Variants in LRP1B observed in about 807,000 individuals in gnomAD.
LRP1B encodes low-density lipoprotein receptor-related protein 1B.
A neutral mutation model predicts 556.6 loss-of-function variants in LRP1B; 217 were observed. The observed-to-expected ratio is 0.39, with a 90% CI of 0.35 to 0.44. LRP1B has a LOEUF of 0.44. Among genes scored for constraint, LRP1B ranks in the 20% least tolerant of loss-of-function variants. The pLI is 1.00. For missense variants in LRP1B, 5,053 were observed against 5,620.8 expected (o/e 0.90, Z 3.23); for synonymous variants, 2,047 against 1,865.8 (o/e 1.10, Z -2.50).
chr2:141,889,603 A>G (rs1025147741), intron 1 of LRP1B, among the ~76,000 whole-genome samples: 4 of 152,170 alleles, frequency 2.6e-5, no homozygotes, highest in Non-Finnish European at 5.9e-5. Context: ...ACTAAAGAGC[A>G]TAGACCATGT....
intron 3 of LRP1B, among the ~76,000 whole-genome samples, chr2:141,438,233 A>G (rs556657975): frequency 1.3e-5 from 2 of 151,942 alleles, no homozygotes; most frequent in South Asian, 2.1e-4. Flanking sequence ...ACTTCATATC[A>G]CTTTTTGTGT....
At chr2:140,659,098 G>GTTTTTTT (rs59651364) in intron 41 of LRP1B, among the ~76,000 whole-genome samples, 13 of 61,140 alleles carry the variant, frequency 2.1e-4, no homozygotes, top group African/African-American at 3.2e-4. Context: ...CTGTAAATCT[G>GTTTTTTT]TTTTTTTTTT....
intron 2 of LRP1B, among the ~76,000 whole-genome samples, chr2:141,805,015 C>T (rs1696125635): frequency 6.6e-6 from 1 of 152,024 alleles, no homozygotes; most frequent in East Asian, 1.9e-4. Flanking sequence ...CTCTTCTCCC[C>T]TTTTCTTTAC....
chr2:142,052,893 T>C (rs1458431234), intron 1 of LRP1B, among the ~76,000 whole-genome samples: 1 of 152,130 alleles, frequency 6.6e-6, no homozygotes, highest in Non-Finnish European at 1.5e-5. Context: ...TGATTTTCTT[T>C]ATAAACACAT....
intron 11 of LRP1B, among the ~76,000 whole-genome samples, chr2:141,031,932 A>C (rs748845156): frequency 2.0e-5 from 3 of 152,020 alleles, no homozygotes; most frequent in African/African-American, 4.8e-5. Context: ...CCAAAAAAAA[A>C]ACTTGTATTT....
At chr2:141,122,146 C>A (rs1384081376) in intron 7 of LRP1B, among the ~76,000 whole-genome samples, 2 of 152,106 alleles carry the variant, frequency 1.3e-5, no homozygotes, top group Non-Finnish European at 2.9e-5. Context: ...ACCATAAAAA[C>A]CCTAGACGAA....
intron 83 of LRP1B, among the ~76,000 whole-genome samples, chr2:140,306,560 C>G (rs1684075952): frequency 6.6e-6 from 1 of 151,654 alleles, no homozygotes; most frequent in Non-Finnish European, 1.5e-5. Flanking sequence ...CTTTATTAGT[C>G]TTGCTAGCAG....
chr2:140,721,322 T>G (rs1687391902), intron 35 of LRP1B, among the ~76,000 whole-genome samples: 1 of 152,146 alleles, frequency 6.6e-6, no homozygotes, highest in Non-Finnish European at 1.5e-5. Context: ...CTCGTGGCTT[T>G]TATGTCACAT....
intron 78 of LRP1B, among the ~76,000 whole-genome samples, chr2:140,335,354 CAT>C (rs1681026887): frequency 6.6e-6 from 1 of 151,808 alleles, no homozygotes; most frequent in Non-Finnish European, 1.5e-5. Flanking sequence ...GCAATACACA[CAT>C]ATAACCATGC....
At chr2:141,539,380 G>T (rs2105206462) in intron 2 of LRP1B, among the ~76,000 whole-genome samples, 1 of 152,234 alleles carries the variant, frequency 6.6e-6, no homozygotes, top group East Asian at 1.9e-4. Context: ...TCATGTTCAT[G>T]ATCCCACCAC....
rs371364303 is a variant in LRP1B at position 142,060,780 on chromosome 2, A to G, written c.82+69868T>C. 4.6e-5 allele frequency among the ~76,000 whole-genome samples: 7 copies of G among 152,070 alleles called. No individual in the cohort carries two copies. The East Asian group carries it at 7.7e-4, about 17-fold the overall frequency. ...AAAATAAAATGTACAACCACTTCCAATTTGTAAAATCAGCTTAAAATAAGA... is the reference window on the plus strand; with the variant it reads ...AAAATAAAATGTACAACCACTTCCAGTTTGTAAAATCAGCTTAAAATAAGA... On this transcript the variant is annotated intron_variant, in intron 1 of 90. Transcript: ENST00000389484.
At chr2:140,867,855 G>T (rs776785576) in intron 26 of LRP1B, 21 bp from the exon 27 acceptor site, 1 of 1,498,328 alleles carries the variant, frequency 6.7e-7, no homozygotes, top group South Asian at 1.4e-5. Context: ...ATAAATACAT[G>T]AGTAGTTTGT....
chr2:142,096,859 C>A (rs958627466), intron 1 of LRP1B, among the ~76,000 whole-genome samples: 1 of 151,396 alleles, frequency 6.6e-6, no homozygotes, highest in Non-Finnish European at 1.5e-5. Flanking sequence ...AGTTTTTTAA[C>A]CCTTTCTCCT....
At chr2:140,830,826 C>T (rs1230085386) in intron 31 of LRP1B, among the ~76,000 whole-genome samples, 1 of 152,014 alleles carries the variant, frequency 6.6e-6, no homozygotes, top group Non-Finnish European at 1.5e-5. Flanking sequence ...AAAGTCCCCA[C>T]CAAAAATCTA....
chr2:140,730,876 C>T (rs1687755044), intron 35 of LRP1B, among the ~76,000 whole-genome samples: 1 of 152,064 alleles, frequency 6.6e-6, no homozygotes, highest in Non-Finnish European at 1.5e-5. Context: ...TTATTCAGTT[C>T]CCAGAGTGTG....
intron 32 of LRP1B, among the ~76,000 whole-genome samples, chr2:140,806,360 T>G (rs1247316708): frequency 6.6e-6 from 1 of 152,154 alleles, no homozygotes; most frequent in Non-Finnish European, 1.5e-5. Context: ...ATTCCTTACC[T>G]ACAAATATCA....
At chr2:140,264,210 C>CT (rs1327578923) in intron 86 of LRP1B, among the ~76,000 whole-genome samples, 3 of 151,690 alleles carry the variant, frequency 2.0e-5, no homozygotes, top group African/African-American at 7.3e-5. Flanking sequence ...ATAATGAAAC[C>CT]TTTTTTTGTT....
chr2:140,401,090 A>C (rs1684477288), intron 66 of LRP1B, among the ~76,000 whole-genome samples: 1 of 152,118 alleles, frequency 6.6e-6, no homozygotes, highest in Admixed American at 6.5e-5. Flanking sequence ...TCCGAACTGA[A>C]TTTGGTAATG....
intron 31 of LRP1B, among the ~76,000 whole-genome samples, chr2:140,821,719 C>T (rs2105055632): frequency 6.6e-6 from 1 of 152,220 alleles, no homozygotes; most frequent in African/African-American, 2.4e-5. Context: ...AAACAAATAA[C>T]TTTCAATTGG....
Sources: gnomAD v4.1 joint callset for allele counts (sites outside exome capture counted in the v4.1 genomes callset) on GRCh38, gnomAD v4.1.1 for gene constraint, MANE v1.5 for transcripts, NCBI Gene and HGNC (gene_info 2026-07-23, HGNC 2026-07-21) for gene names.